Variants in SRD5A2 observed in about 807,000 individuals in gnomAD.
The protein encoded by SRD5A2 is 3-oxo-5-alpha-steroid 4-dehydrogenase 2.
Under a neutral mutation model 27.4 loss-of-function variants are expected in SRD5A2, and 30 were observed. The observed-to-expected ratio is 1.10, with a 90% CI of 0.82 to 1.49. The LOEUF (loss-of-function observed/expected upper bound fraction) is 1.49, where lower values mean the gene tolerates loss of function less well. Among genes scored for constraint, SRD5A2 ranks in the 40% most tolerant of loss-of-function variants. SRD5A2 has a pLI of 0.00. For missense variants in SRD5A2, 348 were observed against 323.4 expected (o/e 1.08, Z -0.58); for synonymous variants, 141 against 133.6 (o/e 1.06, Z -0.38).
the SRD5A2 span, among the ~76,000 whole-genome samples, chr2:31,628,022 A>G: frequency 1.7e-3 from 252 of 152,238 alleles, 3 homozygotes; most frequent in African/African-American, 5.9e-3. Flanking sequence ...GGGTCCAAAC[A>G]TCTTTGTTAG....
the SRD5A2 span, among the ~76,000 whole-genome samples, chr2:31,642,448 C>T: frequency 1.3e-5 from 2 of 151,994 alleles, no homozygotes; most frequent in Admixed American, 1.3e-4. Flanking sequence ...ACAAACACTT[C>T]ACAAAAGAAG....
chr2:31,634,775 T>C, the SRD5A2 span, among the ~76,000 whole-genome samples: 1 of 152,100 alleles, frequency 6.6e-6, no homozygotes, highest in Non-Finnish European at 1.5e-5. Context: ...ATAAATGAGA[T>C]CATGCGATAT....
At chr2:31,587,616 A>G in the SRD5A2 span, among the ~76,000 whole-genome samples, 1 of 152,186 alleles carries the variant, frequency 6.6e-6, no homozygotes, top group Admixed American at 6.5e-5. Context: ...ATGAAGCTGT[A>G]AGCCATCATT....
the SRD5A2 span, among the ~76,000 whole-genome samples, chr2:31,602,381 C>G: frequency 6.6e-6 from 1 of 151,898 alleles, no homozygotes; most frequent in African/African-American, 2.4e-5. Flanking sequence ...AGGAGAATTA[C>G]CAACCACTGC....
At chr2:31,534,548 T>A (rs1008112229) in intron 1 of SRD5A2, among the ~76,000 whole-genome samples, 3 of 152,216 alleles carry the variant, frequency 2.0e-5, no homozygotes, top group African/African-American at 4.8e-5. Flanking sequence ...AAACTGATAT[T>A]TGATTCTGTA....
In SRD5A2 at chr2:31,545,722, CA is replaced by C. The variant is rs200029672; in HGVS notation, c.282-11957del. 5.5e-3 allele frequency among the ~76,000 whole-genome samples: 833 copies of C among 152,184 alleles called. 6 individuals are homozygous for C. The highest frequency in any genetic ancestry group is 0.019 in the African/African-American group (769 of 41,514). ...AGAAGTTTTAGCCAGAGCAATTAGA[CA>C]AGGAAAAGAAATCAAAGAGATACAA... On this transcript the variant is annotated intron_variant, in intron 1 of 4. Transcript: ENST00000622030.
At chr2:31,582,023 C>G (rs1029761141), upstream of SRD5A2, among the ~76,000 whole-genome samples, 1 of 152,096 alleles carries the variant, frequency 6.6e-6, no homozygotes, top group Non-Finnish European at 1.5e-5. Flanking sequence ...CTTCTTTCTT[C>G]GACCCGGCTT....
upstream of SRD5A2, among the ~76,000 whole-genome samples, chr2:31,583,266 A>G (rs2148108959): frequency 6.6e-6 from 1 of 152,362 alleles, no homozygotes; most frequent in Admixed American, 6.5e-5. Context: ...GTACGAGAGT[A>G]GAAGAAACAC....
chr2:31,605,121 C>T, the SRD5A2 span, among the ~76,000 whole-genome samples: 1 of 151,804 alleles, frequency 6.6e-6, no homozygotes, highest in East Asian at 1.9e-4. Flanking sequence ...AAAACTAGAT[C>T]CCTATCTCTC....
the SRD5A2 span, among the ~76,000 whole-genome samples, chr2:31,610,217 A>G: frequency 3.3e-5 from 5 of 152,188 alleles, no homozygotes; most frequent in African/African-American, 1.2e-4. Flanking sequence ...GGATACTACA[A>G]GAAAGAAAAC....
the SRD5A2 span, among the ~76,000 whole-genome samples, chr2:31,654,281 T>C: frequency 5.9e-5 from 9 of 152,116 alleles, no homozygotes; most frequent in Non-Finnish European, 1.0e-4. Context: ...CAGTTGCATA[T>C]CTCAAAGCAC....
rs1382766734 is a variant in SRD5A2, at chr2:31,525,536, T to C, written c.*660A>G. ...CAGTTTTCCGGGGATTGTGAAATCT[T>C]CTGGAAAACAGAGGCACTCATCAAC... On this transcript the variant is annotated 3_prime_UTR_variant, in exon 5 of 5. Transcript: ENST00000622030. 4 of 225,520 alleles carry C rather than the reference T, an allele frequency of 1.8e-5. No homozygotes were observed. The highest frequency in any genetic ancestry group is 3.5e-5 in the Non-Finnish European group (4 of 113,338). 14.0% of individuals were successfully genotyped at this position (225,520 alleles called of 1,614,324 possible). A position where few individuals can be genotyped will look rare whatever the true frequency, so the allele number is the denominator to read the frequency against.
chr2:31,587,631 G>C, the SRD5A2 span, among the ~76,000 whole-genome samples: 1 of 152,154 alleles, frequency 6.6e-6, no homozygotes, highest in South Asian at 2.1e-4. Flanking sequence ...ATCATTCTCA[G>C]CAAACAAACA....
At position 31,526,353 on chromosome 2, in the gene SRD5A2, C is replaced by G. The variant is rs1385682790; in HGVS notation, c.699-91G>C. On this transcript the variant is annotated intron_variant, in intron 4 of 4. Coordinates refer to ENST00000622030, the MANE Select transcript of SRD5A2 (RefSeq NM_000348.4). Reference sequence around the variant, plus strand: ...TTACCAAATCTTTGTTACAAGTCAACCTACAGTTATTTTGGGCCTGACTAT... The same window carrying G: ...TTACCAAATCTTTGTTACAAGTCAAGCTACAGTTATTTTGGGCCTGACTAT... The G allele has an allele frequency of 9.7e-6, 8 of 828,712 alleles. No individual in the cohort carries two copies. The East Asian group carries it at 2.1e-4, about 22-fold the overall frequency. 51.3% of individuals were successfully genotyped at this position (828,712 alleles called of 1,614,324 possible).
At chr2:31,535,653 T>C (rs112006245) in intron 1 of SRD5A2, among the ~76,000 whole-genome samples, 187 of 152,308 alleles carry the variant, frequency 1.2e-3, no homozygotes, top group African/African-American at 3.5e-3. Flanking sequence ...GTCTACTATG[T>C]CGTCTGCAGA....
chr2:31,586,867 C>T, the SRD5A2 span, among the ~76,000 whole-genome samples: 2 of 152,160 alleles, frequency 1.3e-5, no homozygotes, highest in South Asian at 2.1e-4. Flanking sequence ...AACATGACTT[C>T]ACCAAATGAA....
the SRD5A2 span, among the ~76,000 whole-genome samples, chr2:31,604,153 T>G: frequency 6.6e-6 from 1 of 151,822 alleles, no homozygotes; most frequent in Non-Finnish European, 1.5e-5. Context: ...AAGCTATATA[T>G]GACAGACTCA....
chr2:31,554,565 G>C (rs1666453884), intron 1 of SRD5A2, among the ~76,000 whole-genome samples: 1 of 152,196 alleles, frequency 6.6e-6, no homozygotes, highest in African/African-American at 2.4e-5. Context: ...TGGAAAAACA[G>C]AAAGATCATT....
At chr2:31,637,066 G>A in the SRD5A2 span, among the ~76,000 whole-genome samples, 1 of 151,950 alleles carries the variant, frequency 6.6e-6, no homozygotes, top group Admixed American at 6.6e-5. Flanking sequence ...TTCTTTAAAT[G>A]TTTGGTAAAA....
Sources: allele counts gnomAD v4.1 joint callset (sites outside exome capture counted in the v4.1 genomes callset), GRCh38; gene constraint gnomAD v4.1.1; transcripts MANE v1.5; gene names NCBI Gene and HGNC (gene_info 2026-07-23, HGNC 2026-07-21).